Variants in TTC29 observed in about 807,000 individuals in gnomAD.
TTC29 encodes tetratricopeptide repeat protein 29.
Under a neutral mutation model 58.1 loss-of-function variants are expected in TTC29, and 49 were observed. That is an observed-to-expected ratio of 0.84 (90% confidence interval 0.67 to 1.07). The LOEUF (loss-of-function observed/expected upper bound fraction) is 1.07. Among genes scored for constraint, TTC29 ranks in the 50% least tolerant of loss-of-function variants. The pLI is 0.00. For missense variants in TTC29, 582 were observed against 555.6 expected (o/e 1.05, Z -0.48); for synonymous variants, 209 against 196.8 (o/e 1.06, Z -0.52).
At chr4:146,830,177 A>G (rs1434320735) in intron 9 of TTC29, among the ~76,000 whole-genome samples, 7 of 152,196 alleles carry the variant, frequency 4.6e-5, no homozygotes, top group Middle Eastern at 3.2e-3. Context: ...GGGAAGAATG[A>G]TATTATAAAT....
At chr4:146,893,656 T>C (rs1732544227) in intron 6 of TTC29, among the ~76,000 whole-genome samples, 1 of 152,084 alleles carries the variant, frequency 6.6e-6, no homozygotes, top group Non-Finnish European at 1.5e-5. Context: ...CCAAAAGCAA[T>C]GGCAACAAAA....
chr4:146,876,710 G>A (rs1487481449), intron 6 of TTC29, among the ~76,000 whole-genome samples: 1 of 152,144 alleles, frequency 6.6e-6, no homozygotes, highest in African/African-American at 2.4e-5. Context: ...GCTGAGGCCT[G>A]TGGACCACGA....
chr4:146,847,729 C>T (rs775101557), intron 8 of TTC29, among the ~76,000 whole-genome samples: 1 of 152,170 alleles, frequency 6.6e-6, no homozygotes, highest in Non-Finnish European at 1.5e-5. Context: ...GCTGAGTGAG[C>T]CACGGACAAG....
In TTC29 at chr4:146,745,770, GAA is replaced by G. The variant is rs1404576864; in HGVS notation, c.1331-38221_1331-38220del. Among the ~76,000 whole-genome samples, 5 of 152,114 alleles carry G rather than the reference GAA, an allele frequency of 3.3e-5. No homozygotes were observed. The East Asian group carries it at 9.6e-4, about 29-fold the overall frequency. On this transcript the variant is annotated intron_variant, in intron 11 of 12. Coordinates refer to ENST00000325106, the MANE Select transcript of TTC29 (RefSeq NM_031956.4). ...AGCATAGTCAATTGTCAATAGTGTG[GAA>G]TACATAAAGGCTACCCAATATTTTT... is the stretch of plus-strand genomic sequence containing the variant.
chr4:146,926,902 A>T (rs528085694), intron 4 of TTC29, among the ~76,000 whole-genome samples: 1 of 152,224 alleles, frequency 6.6e-6, no homozygotes, highest in South Asian at 2.1e-4. Flanking sequence ...AGTCTAGAGC[A>T]GAGTTCATTC....
chr4:146,869,082 C>T (rs1280698387), intron 7 of TTC29, among the ~76,000 whole-genome samples: 18 of 132,970 alleles, frequency 1.4e-4, no homozygotes, highest in African/African-American at 4.7e-4. Context: ...CTTGTACAGT[C>T]TGTGGAGCTT....
chr4:146,907,324 A>G (rs1376153866), intron 5 of TTC29, among the ~76,000 whole-genome samples: 1 of 152,206 alleles, frequency 6.6e-6, no homozygotes, highest in Admixed American at 6.5e-5. Context: ...CAAGTGACAT[A>G]TTTAGCTTAT....
intron 11 of TTC29, among the ~76,000 whole-genome samples, chr4:146,755,780 T>C (rs1458835823): frequency 6.6e-6 from 1 of 152,032 alleles, no homozygotes; most frequent in African/African-American, 2.4e-5. Flanking sequence ...TTTAAAAAAT[T>C]AGGGTTCTGT....
At chr4:146,802,837 TA>T (rs1403732897) in intron 11 of TTC29, among the ~76,000 whole-genome samples, 1 of 152,220 alleles carries the variant, frequency 6.6e-6, no homozygotes, top group East Asian at 1.9e-4. Flanking sequence ...TATCCCATTC[TA>T]AAGTTCTTAA....
intron 6 of TTC29, among the ~76,000 whole-genome samples, chr4:146,891,900 G>A (rs1732390979): frequency 6.6e-6 from 1 of 152,166 alleles, no homozygotes; most frequent in Admixed American, 6.6e-5. Flanking sequence ...CTGGGTGAGA[G>A]ATGCTTTCAG....
intron 11 of TTC29, among the ~76,000 whole-genome samples, chr4:146,732,043 T>C (rs953552290): frequency 1.3e-5 from 2 of 152,164 alleles, no homozygotes; most frequent in Non-Finnish European, 1.5e-5. Flanking sequence ...AGTAACAAGT[T>C]TTGGAAACAA....
intron 6 of TTC29, among the ~76,000 whole-genome samples, chr4:146,876,934 C>CAAAAAAA (rs776037799): frequency 1.7e-5 from 1 of 59,176 alleles, no homozygotes. Context: ...GACTCCATCT[C>CAAAAAAA]AAAAAAAAAA....
At chr4:146,923,091 T>C (rs537407260) in intron 4 of TTC29, among the ~76,000 whole-genome samples, 30 of 151,920 alleles carry the variant, frequency 2.0e-4, no homozygotes, top group African/African-American at 7.0e-4. Flanking sequence ...TTTAGTCAAT[T>C]TTACAAAATA....
At chr4:146,728,847 G>GTGTATA in intron 11 of TTC29, among the ~76,000 whole-genome samples, 1 of 68,600 alleles carries the variant, frequency 1.5e-5, no homozygotes, top group Non-Finnish European at 3.0e-5. Flanking sequence ...ACATATATAT[G>GTGTATA]TATATATATA....
At chr4:146,890,411 G>T (rs191460072) in intron 6 of TTC29, among the ~76,000 whole-genome samples, 1 of 152,290 alleles carries the variant, frequency 6.6e-6, no homozygotes, top group South Asian at 2.1e-4. Context: ...GAAGCAGGGC[G>T]AGGCATGGGG....
At chr4:146,891,000 A>G (rs1286896602) in intron 6 of TTC29, among the ~76,000 whole-genome samples, 1 of 152,068 alleles carries the variant, frequency 6.6e-6, no homozygotes, top group African/African-American at 2.4e-5. Context: ...ATTCACAAAT[A>G]TGGAGTACAT....
chr4:146,869,579 T>A (rs1730794149), intron 7 of TTC29, among the ~76,000 whole-genome samples: 1 of 152,088 alleles, frequency 6.6e-6, no homozygotes, highest in Non-Finnish European at 1.5e-5. Flanking sequence ...AGGAAGCTAC[T>A]TATTAGAGAG....
chr4:146,890,860 T>C (rs940595350), intron 6 of TTC29, among the ~76,000 whole-genome samples: 2 of 151,734 alleles, frequency 1.3e-5, no homozygotes, highest in African/African-American at 4.8e-5. Flanking sequence ...TGTTTTTTGC[T>C]TTTTTTTAAT....
intron 8 of TTC29, among the ~76,000 whole-genome samples, chr4:146,866,598 C>G (rs1208520483): frequency 1.1e-4 from 17 of 151,998 alleles, no homozygotes; most frequent in Admixed American, 1.1e-3. Flanking sequence ...CTGTGTTCCC[C>G]AAGGTATCAG....
Sources: allele counts gnomAD v4.1 joint callset (sites outside exome capture counted in the v4.1 genomes callset), GRCh38; gene constraint gnomAD v4.1.1; transcripts MANE v1.5; gene names NCBI Gene and HGNC (gene_info 2026-07-23, HGNC 2026-07-21).